C12orf42: variants seen among roughly 807,000 people sequenced by gnomAD.
C12orf42 encodes the protein chromosome 12 open reading frame 42, also known as uncharacterized protein C12orf42.
In C12orf42, 25 loss-of-function variants were observed where a neutral mutation model predicts 21.6. That is an observed-to-expected ratio of 1.16 (90% CI 0.84 to 1.62). C12orf42 has a LOEUF of 1.62. Among genes scored for constraint, C12orf42 ranks in the 40% most tolerant of loss-of-function variants. The pLI, the probability that C12orf42 is intolerant of heterozygous loss-of-function variation, is 0.00. For synonymous variants in C12orf42, 174 were observed against 175.0 expected (o/e 0.99, Z 0.05); for missense variants, 483 against 459.3 (o/e 1.05, Z -0.47).
chr12:103,519,481 T>C, the C12orf42 span, among the ~76,000 whole-genome samples: 1 of 152,164 alleles, frequency 6.6e-6, no homozygotes, highest in African/African-American at 2.4e-5. Context: ...CTAGAAATTA[T>C]ATAATATTGG....
chr12:103,135,780 G>C, the C12orf42 span, among the ~76,000 whole-genome samples: 1 of 152,130 alleles, frequency 6.6e-6, no homozygotes, highest in Non-Finnish European at 1.5e-5. Flanking sequence ...TGTAATACCT[G>C]ATATCAATAG....
chr12:103,334,103 T>C (rs1315519201), intron 4 of C12orf42, among the ~76,000 whole-genome samples: 1 of 152,218 alleles, frequency 6.6e-6, no homozygotes, highest in East Asian at 1.9e-4. Context: ...CCATATTGTT[T>C]CTTTTGGGAC....
the C12orf42 span, among the ~76,000 whole-genome samples, chr12:103,530,475 G>A: frequency 1.3e-5 from 2 of 152,214 alleles, no homozygotes; most frequent in African/African-American, 4.8e-5. Context: ...CATCATTTGT[G>A]ACGAGTGGGA....
At chr12:103,376,640 C>T (rs1444627321) in intron 3 of C12orf42, among the ~76,000 whole-genome samples, 1 of 151,896 alleles carries the variant, frequency 6.6e-6, no homozygotes, top group African/African-American at 2.4e-5. Context: ...CATTATGTTC[C>T]TTTGTTTGTG....
chr12:103,415,261 A>G (rs10128971), intron 2 of C12orf42, among the ~76,000 whole-genome samples: 29,169 of 152,110 alleles, frequency 0.19, 3,354 homozygotes, highest in East Asian at 0.35. Context: ...ACAGTGGTGC[A>G]CCCAGATTCA....
At chr12:103,232,947 T>C (rs1379925901), downstream of C12orf42, among the ~76,000 whole-genome samples, 1 of 152,192 alleles carries the variant, frequency 6.6e-6, no homozygotes, top group Non-Finnish European at 1.5e-5. Flanking sequence ...GTATATGTGA[T>C]ATTTTGACAC....
downstream of C12orf42, among the ~76,000 whole-genome samples, chr12:103,263,888 C>T (rs1398294332): frequency 6.6e-6 from 1 of 152,138 alleles, no homozygotes; most frequent in Non-Finnish European, 1.5e-5. Flanking sequence ...ATTCCCTTCA[C>T]TTATGTGCTT....
chr12:103,168,213 A>T, the C12orf42 span: 7 of 387,410 alleles, frequency 1.8e-5, no homozygotes, highest in Non-Finnish European at 5.1e-6. Context: ...ATCCAACCAT[A>T]CATGAATTTA....
At chr12:103,532,292 T>A in the C12orf42 span, among the ~76,000 whole-genome samples, 15 of 152,340 alleles carry the variant, frequency 9.8e-5, no homozygotes, top group African/African-American at 3.4e-4. Context: ...GAAAATAATA[T>A]GTATTAAAGA....
chr12:103,233,410 G>T (rs181103085), downstream of C12orf42, among the ~76,000 whole-genome samples: 15 of 152,212 alleles, frequency 9.9e-5, no homozygotes, highest in African/African-American at 3.4e-4. Flanking sequence ...AGATCAAGTT[G>T]GGAAGAACTG....
chr12:103,163,675 C>T, the C12orf42 span, among the ~76,000 whole-genome samples: 1 of 152,126 alleles, frequency 6.6e-6, no homozygotes, highest in African/African-American at 2.4e-5. Flanking sequence ...ATTTTTAATA[C>T]TACAGGCCTG....
chr12:103,306,804 C>T (rs1593359305), intron 4 of C12orf42, among the ~76,000 whole-genome samples: 1 of 152,000 alleles, frequency 6.6e-6, no homozygotes, highest in Non-Finnish European at 1.5e-5. Context: ...GAAGATGTAA[C>T]CAAATTAAGA....
the C12orf42 span, among the ~76,000 whole-genome samples, chr12:103,215,721 A>G: frequency 6.6e-6 from 1 of 152,180 alleles, no homozygotes; most frequent in African/African-American, 2.4e-5. Context: ...GCACCCTCCA[A>G]CCTAGCTCTA....
chr12:103,122,499 C>G, the C12orf42 span, among the ~76,000 whole-genome samples: 1 of 151,966 alleles, frequency 6.6e-6, no homozygotes, highest in East Asian at 1.9e-4. Flanking sequence ...AGAAATGAAA[C>G]AAGGAGGGAT....
chr12:103,367,734 T>C (rs1345437166), intron 4 of C12orf42, among the ~76,000 whole-genome samples: 3 of 152,052 alleles, frequency 2.0e-5, no homozygotes, highest in Non-Finnish European at 4.4e-5. Context: ...TACCTCTTTA[T>C]ATTTTTAGTT....
At chr12:103,252,879 A>T (rs1363730782) in intron 10 of C12orf42, among the ~76,000 whole-genome samples, 1 of 152,090 alleles carries the variant, frequency 6.6e-6, no homozygotes, top group Non-Finnish European at 1.5e-5. Flanking sequence ...GTCTTTGCCC[A>T]TGCCCATGTC....
chr12:103,533,481 A>G, the C12orf42 span, among the ~76,000 whole-genome samples: 15 of 152,180 alleles, frequency 9.9e-5, no homozygotes, highest in Admixed American at 6.5e-5. Context: ...TGTCCTCTGG[A>G]TGACCCCCGG....
chr12:103,156,084 TG>T, the C12orf42 span: 1 of 152,122 alleles, frequency 6.6e-6, no homozygotes, highest in African/African-American at 2.4e-5. Flanking sequence ...ATTTATATTC[TG>T]TATTTATTCA....
chr12:103,277,596 T>TGGGC (rs1459305697), intron 4 of C12orf42, among the ~76,000 whole-genome samples: 3 of 151,926 alleles, frequency 2.0e-5, no homozygotes, highest in African/African-American at 4.8e-5. Context: ...CTGACCTTGA[T>TGGGC]GGGCACAATT....
Sources: allele counts gnomAD v4.1 joint callset (sites outside exome capture counted in the v4.1 genomes callset), GRCh38; gene constraint gnomAD v4.1.1; transcripts MANE v1.5; gene names NCBI Gene and HGNC (gene_info 2026-07-23, HGNC 2026-07-21).